The following GALNT17 variants were observed in gnomAD, a reference collection of about 807,000 sequenced individuals.
GALNT17 encodes polypeptide N-acetylgalactosaminyltransferase 17, also known as UDP-GalNAc:polypeptide N-acetylgalactosaminyltransferase-like 3.
Under a neutral mutation model 63.7 loss-of-function variants are expected in GALNT17, and 29 were observed. That is an observed-to-expected ratio of 0.46 (90% CI 0.34 to 0.62). The LOEUF is 0.62. GALNT17 is among the 20% of genes least tolerant of loss of function. GALNT17 has a pLI of 0.01. For missense variants in GALNT17, 603 were observed against 799.6 expected (o/e 0.75, Z 2.97); for synonymous variants, 305 against 318.3 (o/e 0.96, Z 0.45).
chr7:71,609,333 G>A (rs141102868), intron 6 of GALNT17, among the ~76,000 whole-genome samples: 5 of 152,288 alleles, frequency 3.3e-5, no homozygotes, highest in East Asian at 1.9e-4. Context: ...GGTCACCAAC[G>A]TTCCTTTTTG....
intron 1 of GALNT17, among the ~76,000 whole-genome samples, chr7:71,237,086 T>A (rs1211170977): frequency 6.6e-6 from 1 of 151,956 alleles, no homozygotes; most frequent in East Asian, 1.9e-4. Context: ...GTCCAGAGAG[T>A]GGGAGGTAGG....
At chr7:71,211,578 G>T (rs1317540667) in intron 1 of GALNT17, among the ~76,000 whole-genome samples, 1 of 152,198 alleles carries the variant, frequency 6.6e-6, no homozygotes, top group Non-Finnish European at 1.5e-5. Context: ...GGGAGAGATT[G>T]GAACAGTTTG....
At chr7:71,229,593 A>G (rs747904129) in intron 1 of GALNT17, among the ~76,000 whole-genome samples, 9 of 152,204 alleles carry the variant, frequency 5.9e-5, no homozygotes, top group Non-Finnish European at 1.0e-4. Flanking sequence ...CTTGTGATCC[A>G]TTTCTATTCT....
At chr7:71,265,118 A>ATTTTT (rs60738546) in intron 1 of GALNT17, among the ~76,000 whole-genome samples, 50 of 37,414 alleles carry the variant, frequency 1.3e-3, no homozygotes, top group Non-Finnish European at 2.5e-3. Context: ...ATATATATAT[A>ATTTTT]TTTTTTTTTT....
intron 5 of GALNT17, among the ~76,000 whole-genome samples, chr7:71,426,836 C>G (rs1276433166): frequency 6.6e-6 from 1 of 151,842 alleles, no homozygotes; most frequent in Admixed American, 6.6e-5. Flanking sequence ...AGGAGAATCA[C>G]CTGAACTTGG....
chr7:71,311,374 TGA>T (rs1309983529), intron 1 of GALNT17, among the ~76,000 whole-genome samples: 1 of 152,142 alleles, frequency 6.6e-6, no homozygotes, highest in African/African-American at 2.4e-5. Context: ...GGCTCAGTGG[TGA>T]GTCAATCAAT....
intron 2 of GALNT17, among the ~76,000 whole-genome samples, chr7:71,371,884 C>CT (rs1354927463): frequency 6.6e-6 from 1 of 152,306 alleles, no homozygotes; most frequent in African/African-American, 2.4e-5. Flanking sequence ...TATTTATTCT[C>CT]TAAGAGCAGG....
intron 1 of GALNT17, among the ~76,000 whole-genome samples, chr7:71,213,856 T>C (rs2116399181): frequency 6.6e-6 from 1 of 152,312 alleles, no homozygotes; most frequent in East Asian, 1.9e-4. Flanking sequence ...CCCTTATTGA[T>C]TACATTCTTC....
chr7:71,464,190 G>A lies in GALNT17; in HGVS notation c.962+43085G>A, dbSNP rs138100698. Among the ~76,000 whole-genome samples, 11 of 152,266 alleles carry A rather than the reference G, an allele frequency of 7.2e-5. No homozygotes were observed. In the East Asian group the frequency reaches 1.9e-3, roughly 27 times the overall value. ...TAAGCGTGGGGGATTCTTGTTAAAT[G>A]GACCTAACAGGATTCTTGCTAAAGG... On this transcript the variant is annotated intron_variant, in intron 5 of 10. Coordinates refer to ENST00000333538, the MANE Select transcript of GALNT17 (RefSeq NM_022479.3).
intron 5 of GALNT17, among the ~76,000 whole-genome samples, chr7:71,544,267 G>A (rs1440792460): frequency 2.0e-5 from 3 of 150,454 alleles, no homozygotes; most frequent in African/African-American, 7.3e-5. Flanking sequence ...GAGTAGCTGG[G>A]ACTACAGGTG....
intron 5 of GALNT17, among the ~76,000 whole-genome samples, chr7:71,449,219 T>C (rs1362525271): frequency 7.3e-6 from 1 of 136,306 alleles, no homozygotes; most frequent in African/African-American, 2.7e-5. Flanking sequence ...TTCAAGCAAT[T>C]CTCCTGCCTT....
chr7:71,300,048 G>C (rs866130697), intron 1 of GALNT17, among the ~76,000 whole-genome samples: 1 of 152,064 alleles, frequency 6.6e-6, no homozygotes, highest in Non-Finnish European at 1.5e-5. Context: ...AAAGTGCTGG[G>C]ATCAGAGTCG....
At chr7:71,207,669 C>T (rs1338924325) in intron 1 of GALNT17, among the ~76,000 whole-genome samples, 3 of 152,198 alleles carry the variant, frequency 2.0e-5, no homozygotes, top group East Asian at 1.9e-4. Flanking sequence ...AAGTGTCACT[C>T]GCACCTGGAA....
intron 5 of GALNT17, among the ~76,000 whole-genome samples, chr7:71,448,517 G>A (rs578179103): frequency 6.6e-6 from 1 of 151,628 alleles, no homozygotes; most frequent in East Asian, 1.9e-4. Context: ...TCTTAACTTT[G>A]TTTTTCTAAA....
At chr7:71,366,278 G>A (rs1164527994) in intron 2 of GALNT17, among the ~76,000 whole-genome samples, 1 of 151,982 alleles carries the variant, frequency 6.6e-6, no homozygotes, top group African/African-American at 2.4e-5. Flanking sequence ...TGTGATCTAG[G>A]TGTATACATA....
At chr7:71,248,283 C>G (rs1790136476) in intron 1 of GALNT17, among the ~76,000 whole-genome samples, 1 of 152,164 alleles carries the variant, frequency 6.6e-6, no homozygotes. Context: ...CTCCCATGAT[C>G]CAGTCGCTTT....
chr7:71,604,136 C>A (rs1790010751), intron 6 of GALNT17, among the ~76,000 whole-genome samples: 1 of 152,154 alleles, frequency 6.6e-6, no homozygotes, highest in South Asian at 2.1e-4. Context: ...ATACCAGGTA[C>A]TATGCTAAGT....
chr7:71,632,546 G>T (rs151233281), intron 6 of GALNT17, among the ~76,000 whole-genome samples: 1 of 152,112 alleles, frequency 6.6e-6, no homozygotes, highest in Admixed American at 6.5e-5. Context: ...ACTTTCAGCC[G>T]AGCTGAATAC....
chr7:71,606,104 T>G (rs145338803), intron 6 of GALNT17, among the ~76,000 whole-genome samples: 10 of 131,218 alleles, frequency 7.6e-5, no homozygotes, highest in Admixed American at 2.8e-4. Flanking sequence ...CACACTCAGC[T>G]AATTTTTGTA....
Sources: gnomAD v4.1 joint callset for allele counts (sites outside exome capture counted in the v4.1 genomes callset) on GRCh38, gnomAD v4.1.1 for gene constraint, MANE v1.5 for transcripts, NCBI Gene and HGNC (gene_info 2026-07-23, HGNC 2026-07-21) for gene names.